The following GAD1 variants were observed in gnomAD, a reference collection of about 807,000 sequenced individuals.
GAD1 encodes 67 kDa glutamic acid decarboxylase.
In GAD1, 35 loss-of-function variants were observed where a neutral mutation model predicts 75.2. That is an observed-to-expected ratio of 0.47 (90% CI 0.36 to 0.62). GAD1 has a LOEUF of 0.62. GAD1 is among the 20% of genes least tolerant of loss of function. The pLI is 0.00. For synonymous variants in GAD1, 257 were observed against 271.9 expected (o/e 0.95, Z 0.54); for missense variants, 490 against 758.5 (o/e 0.65, Z 4.16).
intron 2 of GAD1, among the ~76,000 whole-genome samples, chr2:170,819,529 A>C (rs1299172341): frequency 6.6e-6 from 1 of 152,150 alleles, no homozygotes; most frequent in Non-Finnish European, 1.5e-5. Flanking sequence ...CAGGCTCCTC[A>C]ACCCATTTCC....
At chr2:170,841,584 T>A (rs577630051) in intron 6 of GAD1, among the ~76,000 whole-genome samples, 21 of 152,352 alleles carry the variant, frequency 1.4e-4, no homozygotes, top group African/African-American at 5.1e-4. Flanking sequence ...TTTTAAAAAC[T>A]GCTTTGGTGA....
At chr2:170,830,169 T>C (rs1054930155) in intron 4 of GAD1, among the ~76,000 whole-genome samples, 1 of 152,164 alleles carries the variant, frequency 6.6e-6, no homozygotes, top group African/African-American at 2.4e-5. Flanking sequence ...TCCCCTTCTG[T>C]GAACTTCCCA....
chr2:170,854,250 A>T (rs1006746843), intron 14 of GAD1, among the ~76,000 whole-genome samples: 2 of 152,204 alleles, frequency 1.3e-5, no homozygotes, highest in Admixed American at 1.3e-4. Context: ...AAGTCTTCTT[A>T]TAACGTTCTC....
At chr2:170,813,882 T>A (rs1701652190), upstream of GAD1, among the ~76,000 whole-genome samples, 2 of 152,140 alleles carry the variant, frequency 1.3e-5, no homozygotes, top group Admixed American at 1.3e-4. Flanking sequence ...AAATCCCTAA[T>A]GCCGGAGAGA....
chr2:170,827,983 G>A (rs1233178542), intron 3 of GAD1, among the ~76,000 whole-genome samples: 3 of 152,108 alleles, frequency 2.0e-5, no homozygotes, highest in Non-Finnish European at 4.4e-5. Flanking sequence ...ATTACCTGGT[G>A]CTGGAGGAAA....
At chr2:170,851,934 G>A (rs1344567032) in intron 12 of GAD1, among the ~76,000 whole-genome samples, 2 of 152,250 alleles carry the variant, frequency 1.3e-5, no homozygotes, top group East Asian at 3.9e-4. Flanking sequence ...GAGTAGTCCA[G>A]TCGAGCCTTG....
rs1559285838 is a variant in GAD1 at position 170,853,288 on chromosome 2, T to C, written c.1263+496T>C. ...GTAAATGGTTGAGCCTCATATTCCCTTCTTCACATGCCTAATGTTAGGATC... is the reference window on the plus strand; with the variant it reads ...GTAAATGGTTGAGCCTCATATTCCCCTCTTCACATGCCTAATGTTAGGATC... On this transcript the variant is annotated intron_variant, in intron 13 of 16. Transcript: ENST00000358196. This position sits in a 1 kb window ranked among gnomAD's most constrained non-coding sequence, Gnocchi z 4.1. 1 of 210,250 alleles carries C rather than the reference T, an allele frequency of 4.8e-6. No homozygotes were observed. The highest frequency in any genetic ancestry group is 9.7e-6 in the Non-Finnish European group (1 of 103,374). 13.0% of individuals were successfully genotyped at this position (210,250 alleles called of 1,614,324 possible). A position where few individuals can be genotyped will look rare whatever the true frequency, so the allele number is the denominator to read the frequency against.
upstream of GAD1, among the ~76,000 whole-genome samples, chr2:170,815,629 G>T (rs1214450668): frequency 1.3e-5 from 2 of 152,218 alleles, no homozygotes; most frequent in East Asian, 3.9e-4. Flanking sequence ...CACCACCTGG[G>T]GAGAGGGGGA....
At position 170,830,937 on chromosome 2, in the gene GAD1, C is replaced by T; in HGVS notation, c.305-13C>T. On this transcript the variant is annotated splice_polypyrimidine_tract_variant and intron_variant, in intron 4 of 16. Coordinates refer to ENST00000358196, the MANE Select transcript of GAD1 (RefSeq NM_000817.3). ...AGTCAGGTGAAAACCATTCATTGCTCTCCCCAATTCAGATCTGCTTCCGGC... is the reference window on the plus strand; with the variant it reads ...AGTCAGGTGAAAACCATTCATTGCTTTCCCCAATTCAGATCTGCTTCCGGC... The T allele has an allele frequency of 1.2e-6, 2 of 1,614,178 alleles. No individual in the cohort carries two copies. Among genetic ancestry groups the T allele is most frequent in the Non-Finnish European group, 1.7e-6 (2 of 1,180,026 alleles).
chr2:170,822,440 CCCG>C (rs1701912478), intron 3 of GAD1, among the ~76,000 whole-genome samples: 1 of 152,234 alleles, frequency 6.6e-6, no homozygotes, highest in Non-Finnish European at 1.5e-5. Context: ...GGAAAGCGCC[CCCG>C]CGCGGCAACC....
rs142247264 is a variant in GAD1, at chr2:170,836,259, A to T, written c.548-534A>T. 7.1e-4 allele frequency among the ~76,000 whole-genome samples: 108 copies of T among 152,158 alleles called. 1 individual carries two copies. The East Asian group carries it at 0.019, about 27-fold the overall frequency. On this transcript the variant is annotated intron_variant, in intron 5 of 16. Coordinates refer to ENST00000358196, the MANE Select transcript of GAD1 (RefSeq NM_000817.3). ...AGCTGAGCCAAGCCTGCTGATGTGG[A>T]GTTGAGTTTTCCGTTGAATGCTAAG...
rs1702781689 is a variant in GAD1 at position 170,853,267 on chromosome 2, A to G, written c.1263+475A>G. On this transcript the variant is annotated intron_variant, in intron 13 of 16. Transcript: ENST00000358196. This position sits in a 1 kb window ranked among gnomAD's most constrained non-coding sequence, Gnocchi z 4.1. Reference sequence around the variant, plus strand: ...AATATTGCCCCAAAAGCTGCTGTAAATGGTTGAGCCTCATATTCCCTTCTT... The same window carrying G: ...AATATTGCCCCAAAAGCTGCTGTAAGTGGTTGAGCCTCATATTCCCTTCTT... 4.6e-6 allele frequency: 1 copy of G among 215,176 alleles called. No homozygotes were observed. Among genetic ancestry groups the G allele is most frequent in the African/African-American group, 2.3e-5 (1 of 43,642 alleles). 13.3% of individuals were successfully genotyped at this position (215,176 alleles called of 1,614,324 possible).
At position 170,849,278 on chromosome 2, in the gene GAD1, C is replaced by A. The variant is rs113638388; in HGVS notation, c.1120-8C>A. 88 of 1,613,648 alleles carry A rather than the reference C, an allele frequency of 5.5e-5. No homozygotes were observed. Among genetic ancestry groups the A allele is most frequent in the African/African-American group, 1.3e-5 (1 of 74,880 alleles). On this transcript the variant is annotated splice_region_variant and splice_polypyrimidine_tract_variant and intron_variant, in intron 11 of 16. Coordinates refer to ENST00000358196, the MANE Select transcript of GAD1 (RefSeq NM_000817.3). ...TCCCCTCTTCCTCTCCTTTCTCTGTCCCCACAGGCTGCCTGGGGAGGTGGG... is the reference window on the plus strand; with the variant it reads ...TCCCCTCTTCCTCTCCTTTCTCTGTACCCACAGGCTGCCTGGGGAGGTGGG...
In GAD1 at chr2:170,860,076, G is replaced by T; in HGVS notation, c.*194G>T. ...GAAATAGTGTTCTTTTTAAAAAGTT[G>T]CACATTAGGAACAGAGTATATATGT... On this transcript the variant is annotated 3_prime_UTR_variant, in exon 17 of 17. Transcript: ENST00000358196. 1.6e-6 allele frequency: 1 copy of T among 620,740 alleles called. No individual in the cohort carries two copies. Among genetic ancestry groups the T allele is most frequent in the Non-Finnish European group, 2.9e-6 (1 of 350,148 alleles). 38.5% of individuals were successfully genotyped at this position (620,740 alleles called of 1,614,324 possible).
chr2:170,852,478 A>T, intron 12 of GAD1: 1 of 564,496 alleles, frequency 1.8e-6, no homozygotes, highest in South Asian at 2.0e-5. Context: ...AAGACATATA[A>T]TAAGTTATTC....
chr2:170,822,014 C>A (rs1379820678), intron 2 of GAD1, 73 bp from the exon 3 acceptor site: 2 of 1,272,570 alleles, frequency 1.6e-6, no homozygotes, highest in Non-Finnish European at 2.2e-6. Flanking sequence ...CCCAAGAAAA[C>A]CATTGTCCTC....
intron 14 of GAD1, among the ~76,000 whole-genome samples, chr2:170,854,879 C>A (rs1702820236): frequency 6.6e-6 from 1 of 152,144 alleles, no homozygotes; most frequent in Non-Finnish European, 1.5e-5. Flanking sequence ...ATTCATCAAC[C>A]TTTTGGGTTT....
rs1702579715 is a variant in GAD1, at chr2:170,844,096, TAAG to T, written c.695_697del (p.Lys232del). 4 of 1,611,702 alleles carry T rather than the reference TAAG, an allele frequency of 2.5e-6. No homozygotes were observed. The highest frequency in any genetic ancestry group is 2.5e-6 in the Non-Finnish European group (3 of 1,177,850). ...TTGTCCTCATGGAACAAATAACACTTAAGAAGATGAGAGAGATAGTTGGATGGT... is the reference window on the plus strand; with the variant it reads ...TTGTCCTCATGGAACAAATAACACTTAAGATGAGAGAGATAGTTGGATGGT... On this transcript the variant is annotated inframe_deletion, in exon 7 of 17. Transcript: ENST00000358196.
Position 170,818,250 on chromosome 2 carries a change from C to T in GAD1, c.-63-279C>T. 3.1e-6 allele frequency: 1 copy of T among 317,514 alleles called. No homozygotes were observed. The highest frequency in any genetic ancestry group is 3.4e-5 in the South Asian group (1 of 29,732). 19.7% of individuals were successfully genotyped at this position (317,514 alleles called of 1,614,324 possible). A position where few individuals can be genotyped will look rare whatever the true frequency, so the allele number is the denominator to read the frequency against. The stretch of plus-strand genomic sequence containing the variant: ...CCCCACCCCGACCCCGACCCCGCCT[C>T]GTCTCGGCGCTTCACTCCAGGTCGC... On this transcript the variant is annotated intron_variant, in intron 1 of 16. Coordinates refer to ENST00000358196, the MANE Select transcript of GAD1 (RefSeq NM_000817.3). The surrounding 1 kb of genome is among the most constrained non-coding windows in gnomAD (Gnocchi z 5.9).
Sources: gnomAD v4.1 joint callset for allele counts (sites outside exome capture counted in the v4.1 genomes callset) on GRCh38, gnomAD v4.1.1 for gene constraint, Gnocchi (gnomAD v3.1) non-coding constraint, MANE v1.5 for transcripts, NCBI Gene and HGNC (gene_info 2026-07-23, HGNC 2026-07-21) for gene names.